The following CCDC28A variants were observed in gnomAD, a reference collection of about 807,000 sequenced individuals.
The protein encoded by CCDC28A is coiled-coil domain containing 28A, also known as coiled-coil domain-containing protein 28A.
Under a neutral mutation model 22.1 loss-of-function variants are expected in CCDC28A, and 24 were observed. That is an observed-to-expected ratio of 1.09 (90% confidence interval 0.79 to 1.53). The LOEUF (loss-of-function observed/expected upper bound fraction) is 1.53. CCDC28A is among the 40% of genes most tolerant of loss of function. The pLI is 0.00. For missense variants in CCDC28A, 170 were observed against 210.7 expected (o/e 0.81, Z 1.20); for synonymous variants, 83 against 74.7 (o/e 1.11, Z -0.57).
intron 4 of CCDC28A, among the ~76,000 whole-genome samples, chr6:138,786,729 C>T (rs372222284): frequency 6.6e-6 from 1 of 152,186 alleles, no homozygotes; most frequent in East Asian, 1.9e-4. Flanking sequence ...ATCCTCCTGC[C>T]TCAGCACCCC....
chr6:138,782,492 G>A (rs1775035050), intron 3 of CCDC28A, among the ~76,000 whole-genome samples: 1 of 150,996 alleles, frequency 6.6e-6, no homozygotes, highest in Admixed American at 6.6e-5. Context: ...TTCCTTTTTA[G>A]CCTCTGAAGC....
At chr6:138,786,821 G>A (rs141800865) in intron 4 of CCDC28A, among the ~76,000 whole-genome samples, 4,281 of 152,260 alleles carry the variant, frequency 0.028, 99 homozygotes, top group Non-Finnish European at 0.041. Context: ...TCACCATGTT[G>A]TACAGGCTGG....
chr6:138,775,561 A>G (rs1273277027), intron 1 of CCDC28A, among the ~76,000 whole-genome samples: 2 of 152,220 alleles, frequency 1.3e-5, no homozygotes, highest in African/African-American at 4.8e-5. Context: ...TAAGGCTTCT[A>G]GTTGATTTTT....
chr6:138,792,658 AC>A, intron 5 of CCDC28A, 90 bp from the exon 6 acceptor site: 1 of 803,072 alleles, frequency 1.2e-6, no homozygotes, highest in East Asian at 2.6e-5. Context: ...TTTTTTAAAT[AC>A]CGCTTTCTCT....
At chr6:138,787,716 G>C (rs1003826910) in intron 4 of CCDC28A, among the ~76,000 whole-genome samples, 1 of 151,722 alleles carries the variant, frequency 6.6e-6, no homozygotes, top group South Asian at 2.1e-4. Context: ...TTTTTGTAGA[G>C]ACAGGGTTTT....
intron 3 of CCDC28A, among the ~76,000 whole-genome samples, chr6:138,784,357 T>TTC (rs1309003758): frequency 6.7e-6 from 1 of 150,346 alleles, no homozygotes; most frequent in Non-Finnish European, 1.5e-5. Context: ...CTTTTTCTTT[T>TTC]TTTTTTTTTT....
intron 2 of CCDC28A, among the ~76,000 whole-genome samples, chr6:138,778,850 C>T (rs1317536659): frequency 1.3e-5 from 2 of 151,870 alleles, no homozygotes; most frequent in Non-Finnish European, 1.5e-5. Context: ...TCACTGCAAC[C>T]TCCACCTCCT....
chr6:138,785,324 TC>T lies in CCDC28A; in HGVS notation c.422del (p.Pro141LeufsTer20), dbSNP rs1468246148. ...AGCTCTATGGGGAGTTAGAGGAACT[TC>T]CTGAGGATAAGAGAAAAACAGCCAG... is the stretch of plus-strand genomic sequence containing the variant. ...LELYGELEEL[P>X]EDKRKTASDS... On this transcript the variant is annotated frameshift_variant, in exon 4 of 6. Coordinates refer to ENST00000617445, the MANE Select transcript of CCDC28A (RefSeq NM_015439.3). LOFTEE classifies it high-confidence loss of function. The T allele has an allele frequency of 6.2e-7, 1 of 1,613,472 alleles. No homozygotes were observed. The highest frequency in any genetic ancestry group is 1.7e-5 in the Admixed American group (1 of 60,010).
intron 3 of CCDC28A, among the ~76,000 whole-genome samples, chr6:138,782,326 T>C (rs1418334867): frequency 6.6e-6 from 1 of 152,246 alleles, no homozygotes; most frequent in African/African-American, 2.4e-5. Flanking sequence ...GATGTTTTTC[T>C]TTTATCTTTA....
intron 4 of CCDC28A, among the ~76,000 whole-genome samples, chr6:138,787,575 CATT>C (rs1775111664): frequency 6.6e-6 from 1 of 152,040 alleles, no homozygotes; most frequent in African/African-American, 2.4e-5. Flanking sequence ...AGATTTTGAT[CATT>C]AAAATGGCAA....
chr6:138,786,675 C>T (rs148068434), intron 4 of CCDC28A, among the ~76,000 whole-genome samples: 144 of 152,252 alleles, frequency 9.5e-4, no homozygotes, highest in Non-Finnish European at 1.3e-3. Flanking sequence ...AGTGCAGTGG[C>T]GCCATCTGGG....
chr6:138,788,269 CT>C (rs1775122290), intron 4 of CCDC28A, 96 bp from the exon 5 acceptor site: 1 of 487,432 alleles, frequency 2.1e-6, no homozygotes, highest in Non-Finnish European at 3.5e-6. Context: ...CACAAGAAAG[CT>C]TAAATGAAAA....
At chr6:138,773,943 T>A in intron 1 of CCDC28A, 41 bp downstream of exon 1, 1 of 1,603,426 alleles carries the variant, frequency 6.2e-7, no homozygotes, top group Non-Finnish European at 8.5e-7. Context: ...ACCTGCCCCT[T>A]TAGGCCCTTC....
intron 3 of CCDC28A, among the ~76,000 whole-genome samples, chr6:138,783,988 C>T (rs140472167): frequency 0.016 from 2,414 of 151,520 alleles, 73 homozygotes; most frequent in African/African-American, 0.055. Flanking sequence ...TATGATCCTC[C>T]CACCTCAACC....
intron 1 of CCDC28A, among the ~76,000 whole-genome samples, chr6:138,775,741 A>G (rs1003085661): frequency 7.9e-5 from 12 of 152,230 alleles, no homozygotes; most frequent in African/African-American, 1.7e-4. Context: ...CCCTTGTAAA[A>G]TGTAGGCTTC....
chr6:138,791,790 C>T (rs1775174272), intron 5 of CCDC28A, among the ~76,000 whole-genome samples: 1 of 152,214 alleles, frequency 6.6e-6, no homozygotes, highest in African/African-American at 2.4e-5. Context: ...TTGATTTTTA[C>T]ATGTGTTAAA....
chr6:138,785,635 T>C (rs1379153656), intron 4 of CCDC28A, among the ~76,000 whole-genome samples: 1 of 152,218 alleles, frequency 6.6e-6, no homozygotes, highest in Non-Finnish European at 1.5e-5. Flanking sequence ...GGACATTTCA[T>C]ATCAGTGGAA....
intron 2 of CCDC28A, among the ~76,000 whole-genome samples, chr6:138,778,649 A>G (rs1774972210): frequency 1.3e-5 from 2 of 152,246 alleles, no homozygotes; most frequent in African/African-American, 4.8e-5. Context: ...TTAGCACGTA[A>G]GAAGATAAGA....
intron 4 of CCDC28A, among the ~76,000 whole-genome samples, chr6:138,786,676 G>A (rs536608606): frequency 1.2e-4 from 18 of 152,198 alleles, no homozygotes; most frequent in African/African-American, 3.1e-4. Flanking sequence ...GTGCAGTGGC[G>A]CCATCTGGGC....
Sources: allele counts gnomAD v4.1 joint callset (sites outside exome capture counted in the v4.1 genomes callset), GRCh38; gene constraint gnomAD v4.1.1; transcripts MANE v1.5; gene names NCBI Gene and HGNC (gene_info 2026-07-23, HGNC 2026-07-21).